Variants in ESRRG observed in about 807,000 individuals in gnomAD.
The protein encoded by ESRRG is estrogen-related receptor gamma.
In ESRRG, 13 loss-of-function variants were observed where a neutral mutation model predicts 44.0. The observed-to-expected ratio is 0.30, with a 90% CI of 0.19 to 0.47. The LOEUF (loss-of-function observed/expected upper bound fraction) is 0.47, where lower values mean the gene tolerates loss of function less well. Ranked by LOEUF, ESRRG falls within the 20% of genes least tolerant of loss-of-function variation. The pLI, the probability that ESRRG is intolerant of heterozygous loss-of-function variation, is 1.00. For missense variants in ESRRG, 395 were observed against 580.6 expected, an observed-to-expected ratio of 0.68 and a Z score of 3.29; for synonymous variants, 215 against 214.6, an observed-to-expected ratio of 1.00 and a Z score of -0.02.
intron 1 of ESRRG, among the ~76,000 whole-genome samples, chr1:216,680,465 G>A (rs1044950371): frequency 1.3e-5 from 2 of 151,896 alleles, no homozygotes; most frequent in Non-Finnish European, 2.9e-5. Flanking sequence ...AAGCAAGCAA[G>A]CAAGGTAGAG....
At chr1:217,105,399 G>A (rs187018930) in intron 1 of ESRRG, among the ~76,000 whole-genome samples, 3 of 152,300 alleles carry the variant, frequency 2.0e-5, no homozygotes, top group African/African-American at 7.2e-5. Context: ...AGAGGTTGGA[G>A]TTCAGAGAGA....
intron 3 of ESRRG, among the ~76,000 whole-genome samples, chr1:216,639,746 ATT>A (rs2066007320): frequency 6.6e-6 from 1 of 152,194 alleles, no homozygotes; most frequent in Non-Finnish European, 1.5e-5. Context: ...TAGGAAAGGG[ATT>A]TTGATCCTAG....
chr1:217,001,304 T>C (rs2077006414), intron 1 of ESRRG, among the ~76,000 whole-genome samples: 1 of 152,174 alleles, frequency 6.6e-6, no homozygotes, highest in Non-Finnish European at 1.5e-5. Context: ...ATAAAGCAAA[T>C]CCACACTTGA....
At chr1:216,932,921 T>C (rs1016087528) in intron 2 of ESRRG, among the ~76,000 whole-genome samples, 2 of 151,938 alleles carry the variant, frequency 1.3e-5, no homozygotes, top group African/African-American at 2.4e-5. Context: ...ATTGAAAATA[T>C]AGATACACTT....
At chr1:216,593,266 A>C (rs750370842) in intron 3 of ESRRG, among the ~76,000 whole-genome samples, 1 of 152,202 alleles carries the variant, frequency 6.6e-6, no homozygotes. Context: ...TTCTATTGTT[A>C]ATTGTTTTCT....
intron 2 of ESRRG, among the ~76,000 whole-genome samples, chr1:216,804,041 A>AT (rs906642947): frequency 1.3e-4 from 20 of 151,422 alleles, no homozygotes; most frequent in African/African-American, 3.9e-4. Context: ...ATAAAAAAAA[A>AT]ATATTCACAC....
chr1:216,962,312 C>A (rs2069263018), intron 1 of ESRRG, among the ~76,000 whole-genome samples: 1 of 151,750 alleles, frequency 6.6e-6, no homozygotes, highest in African/African-American at 2.4e-5. Flanking sequence ...TTCCTCCCAA[C>A]TAGGAATCTC....
intron 1 of ESRRG, among the ~76,000 whole-genome samples, chr1:216,939,873 T>G (rs2064924002): frequency 6.6e-6 from 1 of 152,190 alleles, no homozygotes; most frequent in Non-Finnish European, 1.5e-5. Context: ...AGGGCTGTAT[T>G]AACACTCCAA....
intron 1 of ESRRG, among the ~76,000 whole-genome samples, chr1:216,956,532 G>A (rs951937487): frequency 3.9e-5 from 6 of 152,128 alleles, no homozygotes; most frequent in African/African-American, 1.4e-4. Context: ...TTTGAAGTCA[G>A]GTAGTGTGAT....
intron 2 of ESRRG, among the ~76,000 whole-genome samples, chr1:216,934,236 C>A (rs2063772824): frequency 6.6e-6 from 1 of 152,118 alleles, no homozygotes; most frequent in African/African-American, 2.4e-5. Flanking sequence ...GAGTTCAAGA[C>A]CAGTCTGGCC....
intron 1 of ESRRG, among the ~76,000 whole-genome samples, chr1:217,055,256 G>A (rs2086850232): frequency 6.6e-6 from 1 of 152,072 alleles, no homozygotes; most frequent in Non-Finnish European, 1.5e-5. Context: ...TAACCTCAAA[G>A]GGAAAGCATG....
chr1:217,058,542 G>A (rs570204704), intron 1 of ESRRG, among the ~76,000 whole-genome samples: 2 of 152,086 alleles, frequency 1.3e-5, no homozygotes, highest in East Asian at 1.9e-4. Context: ...AGTATCTGAC[G>A]TCTCTATGCT....
chr1:216,884,887 A>T (rs2096494411), intron 2 of ESRRG, among the ~76,000 whole-genome samples: 1 of 152,170 alleles, frequency 6.6e-6, no homozygotes, highest in Middle Eastern at 3.2e-3. Flanking sequence ...CATTCCACAC[A>T]CATGTTCTGC....
At chr1:216,824,899 G>A (rs1576966698) in intron 2 of ESRRG, among the ~76,000 whole-genome samples, 1 of 152,278 alleles carries the variant, frequency 6.6e-6, no homozygotes, top group Non-Finnish European at 1.5e-5. Context: ...GCCTTACTAG[G>A]TGAAGAACAA....
At chr1:216,694,673 C>T (rs2079766832) in intron 1 of ESRRG, among the ~76,000 whole-genome samples, 2 of 152,174 alleles carry the variant, frequency 1.3e-5, no homozygotes, top group Admixed American at 6.5e-5. Context: ...ATCCTCCTGC[C>T]TCAGCCCCGA....
chr1:216,579,777 C>A lies in ESRRG; in HGVS notation c.590-11679G>T, dbSNP rs149328503. On this transcript the variant is annotated intron_variant, in intron 3 of 6. Coordinates refer to ENST00000408911, the MANE Select transcript of ESRRG (RefSeq NM_001438.4). ...AAAAACAAACACATTTTCCCATTCA[C>A]AAGGCAGCTGAAGGCTAGATGTTGA... is the stretch of plus-strand genomic sequence containing the variant. 1.5e-3 allele frequency among the ~76,000 whole-genome samples: 227 copies of A among 152,250 alleles called. 5 individuals are homozygous for A. The East Asian group carries it at 0.037, about 25-fold the overall frequency.
intron 3 of ESRRG, among the ~76,000 whole-genome samples, chr1:216,615,748 T>TTC (rs2061343391): frequency 6.6e-6 from 1 of 151,114 alleles, no homozygotes; most frequent in Non-Finnish European, 1.5e-5. Flanking sequence ...TTTTTTTTTT[T>TTC]TTTTCCTGAG....
At chr1:216,530,976 A>T (rs114790290) in intron 5 of ESRRG, among the ~76,000 whole-genome samples, 3 of 152,196 alleles carry the variant, frequency 2.0e-5, no homozygotes, top group Non-Finnish European at 2.9e-5. Context: ...TTCCTAAAAT[A>T]GAAACTATAA....
chr1:216,655,082 T>A (rs745674981), intron 2 of ESRRG, among the ~76,000 whole-genome samples: 1 of 152,194 alleles, frequency 6.6e-6, no homozygotes, highest in Non-Finnish European at 1.5e-5. Context: ...TCTGGTCTCC[T>A]TTCTATCCAT....
Sources: gnomAD v4.1 joint callset for allele counts (sites outside exome capture counted in the v4.1 genomes callset) on GRCh38, gnomAD v4.1.1 for gene constraint, MANE v1.5 for transcripts, NCBI Gene and HGNC (gene_info 2026-07-23, HGNC 2026-07-21) for gene names.